LARGE1: variants seen among roughly 807,000 people sequenced by gnomAD.
The protein encoded by LARGE1 is LARGE xylosyl- and glucuronyltransferase 1.
A neutral mutation model predicts 87.6 loss-of-function variants in LARGE1; 43 were observed. That is an observed-to-expected ratio of 0.49 (90% CI 0.38 to 0.63). LARGE1 has a LOEUF of 0.63. LARGE1 is among the 30% of genes least tolerant of loss of function. The pLI is 0.00. For missense variants in LARGE1, 802 were observed against 1,000.2 expected (o/e 0.80, Z 2.67); for synonymous variants, 434 against 394.6 (o/e 1.10, Z -1.18).
intron 7 of LARGE1, among the ~76,000 whole-genome samples, chr22:33,400,347 A>T (rs1031373526): frequency 3.9e-5 from 6 of 152,098 alleles, no homozygotes; most frequent in Non-Finnish European, 8.8e-5. Flanking sequence ...ATAATTGAAG[A>T]GCTGGGGTAG....
intron 4 of LARGE1, among the ~76,000 whole-genome samples, chr22:33,608,277 G>T (rs2079322984): frequency 6.6e-6 from 1 of 152,168 alleles, no homozygotes; most frequent in Non-Finnish European, 1.5e-5. Context: ...TCTTATATTT[G>T]CTCTAATGCA....
chr22:33,828,539 G>C (rs79758873), intron 1 of LARGE1, among the ~76,000 whole-genome samples: 4,593 of 152,330 alleles, frequency 0.03, 99 homozygotes, highest in Non-Finnish European at 0.047. Flanking sequence ...GAAAACTTTA[G>C]CCACAGGCTC....
intron 2 of LARGE1, among the ~76,000 whole-genome samples, chr22:33,699,419 A>G (rs1165527631): frequency 1.3e-5 from 2 of 152,364 alleles, no homozygotes; most frequent in African/African-American, 4.8e-5. Context: ...AGATGTGTTT[A>G]GCAACATTCC....
chr22:33,524,548 C>T lies in LARGE1; in HGVS notation c.787+40300G>A, dbSNP rs554136193. On this transcript the variant is annotated intron_variant, in intron 6 of 14. Coordinates refer to ENST00000397394, the MANE Select transcript of LARGE1 (RefSeq NM_133642.5). ...TCTCACCCCTCATCACTTTCCCATGCTCTCCCATTCGCTCCAACCCACCCT... is the reference window on the plus strand; with the variant it reads ...TCTCACCCCTCATCACTTTCCCATGTTCTCCCATTCGCTCCAACCCACCCT... 2.5e-4 allele frequency among the ~76,000 whole-genome samples: 38 copies of T among 152,108 alleles called. 2 individuals are homozygous for T. The South Asian group carries it at 2.7e-3, about 11-fold the overall frequency.
chr22:33,294,025 T>G (rs550653535), intron 12 of LARGE1, among the ~76,000 whole-genome samples: 12 of 152,362 alleles, frequency 7.9e-5, no homozygotes, highest in Middle Eastern at 3.4e-3. Context: ...TCTGAAGGCA[T>G]CTTTCTACTC....
chr22:33,498,739 A>T (rs1432070451), intron 6 of LARGE1, among the ~76,000 whole-genome samples: 3 of 152,182 alleles, frequency 2.0e-5, no homozygotes, highest in Non-Finnish European at 4.4e-5. Context: ...TGGGAGGCCG[A>T]GGTGGGCGGA....
At chr22:33,222,121 G>A (rs915047133) in intron 11 of LARGE1, among the ~76,000 whole-genome samples, 3 of 152,156 alleles carry the variant, frequency 2.0e-5, no homozygotes, top group Non-Finnish European at 4.4e-5. Context: ...TGTGGGTTGG[G>A]TGACAAGGGA....
the LARGE1 span, among the ~76,000 whole-genome samples, chr22:33,112,421 T>G: frequency 2.0e-5 from 3 of 152,226 alleles, no homozygotes; most frequent in African/African-American, 4.8e-5. Context: ...ATACAGCGCA[T>G]AGCACAGCAT....
rs533124429 is a variant in LARGE1 at position 33,456,080 on chromosome 22, AT to A, written c.788-23816del. Among the ~76,000 whole-genome samples the A allele has an allele frequency of 1.3e-4, 20 of 152,308 alleles. No individual in the cohort carries two copies. The East Asian group carries it at 3.5e-3, about 26-fold the overall frequency. On this transcript the variant is annotated intron_variant, in intron 6 of 14. Coordinates refer to ENST00000397394, the MANE Select transcript of LARGE1 (RefSeq NM_133642.5). ...GGCCAGCTTTGTAGCTGGCTGAGCAATTACTACAGGTAAACGTTGGAAACAA... is the reference window on the plus strand; with the variant it reads ...GGCCAGCTTTGTAGCTGGCTGAGCAATACTACAGGTAAACGTTGGAAACAA...
intron 1 of LARGE1, among the ~76,000 whole-genome samples, chr22:33,851,795 T>C (rs2063590148): frequency 6.6e-6 from 1 of 152,190 alleles, no homozygotes; most frequent in African/African-American, 2.4e-5. Flanking sequence ...GAGCAGAAAT[T>C]TTATGATGAC....
intron 1 of LARGE1, among the ~76,000 whole-genome samples, chr22:33,786,053 AT>A (rs1371712899): frequency 1.3e-5 from 2 of 152,116 alleles, no homozygotes; most frequent in Non-Finnish European, 2.9e-5. Context: ...CATCTTTATT[AT>A]TTTTATTTTT....
At chr22:33,702,822 C>T (rs2082439658) in intron 2 of LARGE1, among the ~76,000 whole-genome samples, 1 of 151,958 alleles carries the variant, frequency 6.6e-6, no homozygotes, top group Non-Finnish European at 1.5e-5. Flanking sequence ...TGTGTAGGCT[C>T]AAGATATTAG....
At chr22:33,705,465 A>G (rs976075488) in intron 2 of LARGE1, among the ~76,000 whole-genome samples, 1 of 152,124 alleles carries the variant, frequency 6.6e-6, no homozygotes, top group Non-Finnish European at 1.5e-5. Context: ...ATAAGACAGC[A>G]CTGCTCACGT....
At chr22:33,093,455 G>A in the LARGE1 span, among the ~76,000 whole-genome samples, 1 of 152,204 alleles carries the variant, frequency 6.6e-6, no homozygotes, top group East Asian at 1.9e-4. Context: ...GAGAGGTAGA[G>A]GAGGGAGAAT....
chr22:33,479,919 A>T (rs759812072), intron 6 of LARGE1, among the ~76,000 whole-genome samples: 4 of 151,866 alleles, frequency 2.6e-5, no homozygotes, highest in Non-Finnish European at 5.9e-5. Context: ...TAATTTTTGT[A>T]TTTTTGGTAG....
chr22:33,674,589 C>A (rs1045977300), intron 2 of LARGE1, among the ~76,000 whole-genome samples: 1 of 152,190 alleles, frequency 6.6e-6, no homozygotes, highest in Non-Finnish European at 1.5e-5. Flanking sequence ...ACTCTCAGTG[C>A]CCCAGGTATG....
At chr22:33,256,745 T>C (rs1450777260) in intron 11 of LARGE1, among the ~76,000 whole-genome samples, 1 of 152,234 alleles carries the variant, frequency 6.6e-6, no homozygotes, top group Non-Finnish European at 1.5e-5. Flanking sequence ...TCATGCGGTC[T>C]GTATCAACTC....
chr22:33,718,262 C>T (rs972426001), intron 2 of LARGE1, among the ~76,000 whole-genome samples: 1 of 152,154 alleles, frequency 6.6e-6, no homozygotes, highest in African/African-American at 2.4e-5. Flanking sequence ...CTGAGAACCC[C>T]CGGCTAAGTG....
intron 11 of LARGE1, among the ~76,000 whole-genome samples, chr22:33,195,435 A>C (rs1924013689): frequency 6.6e-6 from 1 of 152,114 alleles, no homozygotes; most frequent in East Asian, 1.9e-4. Flanking sequence ...TTGGGGTCAT[A>C]AAATAAGTTT....
Sources: allele counts gnomAD v4.1 joint callset (sites outside exome capture counted in the v4.1 genomes callset), GRCh38; gene constraint gnomAD v4.1.1; transcripts MANE v1.5; gene names NCBI Gene and HGNC (gene_info 2026-07-23, HGNC 2026-07-21).